The following SPICE1 variants were observed in gnomAD, a reference collection of about 807,000 sequenced individuals.
SPICE1 encodes the protein spindle and centriole-associated protein 1.
In SPICE1, 75 loss-of-function variants were observed where a neutral mutation model predicts 102.7. The observed-to-expected ratio is 0.73, with a 90% CI of 0.61 to 0.88. SPICE1 has a LOEUF of 0.88. Among genes scored for constraint, SPICE1 ranks in the 40% least tolerant of loss-of-function variants. The pLI is 0.00. For missense variants in SPICE1, 979 were observed against 1,020.1 expected, an observed-to-expected ratio of 0.96 and a Z score of 0.55; for synonymous variants, 308 against 350.3, an observed-to-expected ratio of 0.88 and a Z score of 1.35.
chr3:113,458,543 G>A (rs984747437), intron 12 of SPICE1, among the ~76,000 whole-genome samples: 1 of 152,168 alleles, frequency 6.6e-6, no homozygotes, highest in Non-Finnish European at 1.5e-5. Context: ...GAGTGCAGTG[G>A]CGTGATTTCG....
chr3:113,497,600 A>C (rs1003130533), intron 4 of SPICE1, among the ~76,000 whole-genome samples: 3 of 151,680 alleles, frequency 2.0e-5, no homozygotes, highest in African/African-American at 7.3e-5. Context: ...AAACACCTAC[A>C]TGGGGCCACA....
intron 15 of SPICE1, chr3:113,449,293 G>GGCACATAGTACATGTTC (rs150201941): frequency 6.4e-5 from 9 of 140,998 alleles, no homozygotes; most frequent in South Asian, 4.7e-4. Context: ...ACACATGGCA[G>GGCACATAGTACATGTTC]GCACATAGTA....
At chr3:113,499,406 T>C in intron 4 of SPICE1, 33 bp downstream of exon 4, 4 of 1,591,252 alleles carry the variant, frequency 2.5e-6, no homozygotes, top group South Asian at 1.1e-5. Flanking sequence ...ATCTCCTTTT[T>C]TTCTTTCTAA....
At chr3:113,480,783 GGAGGCTGAGGTGA>G (rs1421014926) in intron 7 of SPICE1, among the ~76,000 whole-genome samples, 2 of 151,824 alleles carry the variant, frequency 1.3e-5, no homozygotes, top group Non-Finnish European at 1.5e-5. Flanking sequence ...AGAGGCTGAG[GGAGGCTGAGGTGA>G]GAGGCTGAGG....
intron 1 of SPICE1, among the ~76,000 whole-genome samples, chr3:113,513,367 C>T (rs191016495): frequency 1.3e-5 from 2 of 152,154 alleles, no homozygotes; most frequent in Non-Finnish European, 2.9e-5. Flanking sequence ...GCTACGATGG[C>T]GCCCCTGCAC....
At chr3:113,479,514 T>TGGTA in intron 7 of SPICE1, among the ~76,000 whole-genome samples, 1 of 152,142 alleles carries the variant, frequency 6.6e-6, no homozygotes, top group South Asian at 2.1e-4. Context: ...CTGGGTCAAA[T>TGGTA]GGTATTTCTA....
At chr3:113,507,923 A>AT (rs1165533624) in intron 1 of SPICE1, among the ~76,000 whole-genome samples, 3 of 152,210 alleles carry the variant, frequency 2.0e-5, no homozygotes, top group Admixed American at 1.3e-4. Flanking sequence ...TAGCAGAGCC[A>AT]TAAGTACCAT....
In SPICE1 at chr3:113,443,019, T is replaced by C. The variant is rs919758239; in HGVS notation, c.*2288A>G. The stretch of plus-strand genomic sequence containing the variant: ...TCTAAATTTCAAGCACTGTGTGCAA[T>C]TGTTAATCTGAGAAAGATACAATAA... On this transcript the variant is annotated 3_prime_UTR_variant, in exon 18 of 18. Coordinates refer to ENST00000295872, the MANE Select transcript of SPICE1 (RefSeq NM_144718.4). The C allele has an allele frequency of 1.9e-4, 29 of 152,336 alleles. 1 individual carries two copies. The highest frequency in any genetic ancestry group is 1.1e-3 in the Admixed American group (17 of 15,300). The allele number at this position is 152,336 out of a possible 1,614,324, so 9.4% of individuals were successfully genotyped here.
intron 7 of SPICE1, among the ~76,000 whole-genome samples, chr3:113,470,846 T>C (rs1247840703): frequency 2.0e-5 from 3 of 152,224 alleles, no homozygotes; most frequent in Admixed American, 2.0e-4. Flanking sequence ...GCTGATCCCT[T>C]TCTTCTTTGA....
intron 4 of SPICE1, chr3:113,499,138 T>C (rs1241458496): frequency 4.8e-6 from 1 of 210,060 alleles, no homozygotes; most frequent in African/African-American, 2.3e-5. Flanking sequence ...GTAAGTATTA[T>C]ATCACTGAAA....
chr3:113,503,930 C>CAAAA (rs1559977007), intron 2 of SPICE1, among the ~76,000 whole-genome samples: 1 of 73,366 alleles, frequency 1.4e-5, no homozygotes. Context: ...GAGTTTCTAT[C>CAAAA]TAAAAAAAAA....
intron 2 of SPICE1, among the ~76,000 whole-genome samples, chr3:113,505,803 G>T (rs530153880): frequency 1.0e-5 from 1 of 95,788 alleles, no homozygotes; most frequent in African/African-American, 4.8e-5. Context: ...CTACTCAGGA[G>T]GCTAAGGCAG....
At chr3:113,446,187 G>T (rs1006129994) in intron 17 of SPICE1, among the ~76,000 whole-genome samples, 1 of 152,144 alleles carries the variant, frequency 6.6e-6, no homozygotes, top group Non-Finnish European at 1.5e-5. Context: ...GGGATAAAAT[G>T]AGAGGAAAAG....
At chr3:113,488,600 G>T (rs112403024) in intron 7 of SPICE1, among the ~76,000 whole-genome samples, 2 of 152,292 alleles carry the variant, frequency 1.3e-5, no homozygotes, top group African/African-American at 4.8e-5. Flanking sequence ...AGACTCAGAA[G>T]GGGGAGGGCG....
At chr3:113,485,609 C>T (rs968180736) in intron 7 of SPICE1, among the ~76,000 whole-genome samples, 4 of 152,170 alleles carry the variant, frequency 2.6e-5, no homozygotes, top group African/African-American at 7.2e-5. Context: ...CCCCATCTCC[C>T]TGGGACAGAG....
chr3:113,463,056 C>T (rs1042207357), intron 11 of SPICE1, among the ~76,000 whole-genome samples: 5 of 152,184 alleles, frequency 3.3e-5, no homozygotes, highest in Non-Finnish European at 7.4e-5. Context: ...TGCTTTTCCT[C>T]TGCCCAGACT....
intron 13 of SPICE1, among the ~76,000 whole-genome samples, chr3:113,454,934 C>T (rs765348183): frequency 3.9e-5 from 6 of 152,164 alleles, no homozygotes; most frequent in Non-Finnish European, 7.4e-5. Context: ...AATAATTCTG[C>T]GAGGACATTT....
Position 113,457,251 on chromosome 3 carries a change from G to T in SPICE1, c.1542C>A (p.Asp514Glu), listed in dbSNP as rs746392551. The change falls in exon 13 of 18, where the codon GAC (aspartate) becomes GAA (glutamate). Residue 514 changes from aspartate (D) to glutamate (E), a missense_variant. By Grantham distance (45) the Asp-to-Glu change is conservative. Coordinates refer to ENST00000295872, the MANE Select transcript of SPICE1 (RefSeq NM_144718.4). Reference sequence around the variant, plus strand: ...TGGCCAGATTCATGTTATCTGGAGGGTCTGGCACCTGAGACAGTTTAACGG... The same window carrying T: ...TGGCCAGATTCATGTTATCTGGAGGTTCTGGCACCTGAGACAGTTTAACGG... ...ELPVKLSQVP[D>E]PPDNMNLAKN... 2.5e-6 allele frequency: 4 copies of T among 1,614,032 alleles called. No individual in the cohort carries two copies. The African/African-American group carries it at 4.0e-5, about 16-fold the overall frequency.
At chr3:113,483,980 G>A (rs939002151) in intron 7 of SPICE1, among the ~76,000 whole-genome samples, 1 of 152,142 alleles carries the variant, frequency 6.6e-6, no homozygotes, top group African/African-American at 2.4e-5. Context: ...ACCTCTGGTA[G>A]AACTCGGCTG....
Sources: gnomAD v4.1 joint callset for allele counts (sites outside exome capture counted in the v4.1 genomes callset) on GRCh38, gnomAD v4.1.1 for gene constraint, MANE v1.5 for transcripts, NCBI Gene and HGNC (gene_info 2026-07-23, HGNC 2026-07-21) for gene names.